The following TEC variants were observed in gnomAD, a reference collection of about 807,000 sequenced individuals.
TEC encodes tyrosine-protein kinase Tec.
TEC carries 72 observed loss-of-function variants against 93.0 expected under a neutral mutation model. The ratio of observed to expected loss-of-function variants is 0.77; its 90% CI spans 0.64 to 0.94. TEC has a LOEUF of 0.94. Among genes scored for constraint, TEC ranks in the 40% least tolerant of loss-of-function variants. The pLI, the probability that TEC is intolerant of heterozygous loss-of-function variation, is 0.00. For missense variants in TEC, 630 were observed against 757.9 expected (o/e 0.83, Z 1.98); for synonymous variants, 249 against 247.7 (o/e 1.01, Z -0.05).
At chr4:48,268,852 A>T (rs1423788461) in intron 1 of TEC, among the ~76,000 whole-genome samples, 1 of 152,238 alleles carries the variant, frequency 6.6e-6, no homozygotes, top group East Asian at 1.9e-4. Context: ...ATTAAGATCA[A>T]TCTTTCGAAT....
chr4:48,221,873 C>T (rs73138491), intron 2 of TEC, among the ~76,000 whole-genome samples: 2,066 of 152,208 alleles, frequency 0.014, 53 homozygotes, highest in African/African-American at 0.048. Context: ...AACATAGCTA[C>T]GGCTGAAAGG....
At position 48,138,713 on chromosome 4, in the gene TEC, C is replaced by A. The variant is rs1306776603; in HGVS notation, c.1764G>T (p.Lys588Asn). Residue 588 changes from lysine (K) to asparagine (N), a missense_variant, in exon 17 of 18, where the codon AAG (lysine) becomes AAT (asparagine). By Grantham distance (94) the Lys-to-Asn change is moderately conservative (BLOSUM62 0). Transcript: ENST00000381501. ...CCTCATACACATAGTTGGACGCCAA[C>A]TTCGGCTGGTAGAGTCGGTGGCCTC... Reference protein sequence around the residue: ...VTRGHRLYQPKLASNYVYEVM... With the variant: ...VTRGHRLYQPNLASNYVYEVM... 3.7e-6 allele frequency: 6 copies of A among 1,614,168 alleles called. No homozygotes were observed. Among genetic ancestry groups the A allele is most frequent in the Non-Finnish European group, 5.1e-6 (6 of 1,180,006 alleles).
chr4:48,240,426 T>C (rs1723895760), intron 1 of TEC, among the ~76,000 whole-genome samples: 1 of 152,066 alleles, frequency 6.6e-6, no homozygotes, highest in Admixed American at 6.6e-5. Flanking sequence ...AGGACCATTA[T>C]TACTGCCCTA....
chr4:48,239,981 A>AGT (rs5858109), intron 1 of TEC, among the ~76,000 whole-genome samples: 3,080 of 149,550 alleles, frequency 0.021, 47 homozygotes, highest in African/African-American at 0.045. Context: ...TTGCTCTGTG[A>AGT]GTGTGTGTGT....
chr4:48,163,656 GAA>G (rs1720763435), intron 8 of TEC, 44 bp downstream of exon 8: 1 of 1,218,458 alleles, frequency 8.2e-7, no homozygotes, highest in Admixed American at 2.6e-5. Flanking sequence ...TTAGGAAAAT[GAA>G]AAGTTTCTGA....
chr4:48,255,931 GTCA>G (rs1316559606), intron 1 of TEC, among the ~76,000 whole-genome samples: 1 of 152,172 alleles, frequency 6.6e-6, no homozygotes, highest in Non-Finnish European at 1.5e-5. Context: ...TCAGCCCTGG[GTCA>G]TGTATCATTA....
intron 2 of TEC, among the ~76,000 whole-genome samples, chr4:48,192,423 T>A (rs1351050528): frequency 6.6e-6 from 1 of 152,180 alleles, no homozygotes; most frequent in Non-Finnish European, 1.5e-5. Context: ...AGTGTTTCAG[T>A]TGTTGTAGTG....
chr4:48,226,825 A>G (rs1488398107), intron 2 of TEC, among the ~76,000 whole-genome samples: 1 of 152,224 alleles, frequency 6.6e-6, no homozygotes, highest in Admixed American at 6.5e-5. Context: ...AATTATTACC[A>G]TACAGCAAAA....
At chr4:48,167,581 A>C (rs1169105475) in intron 7 of TEC, among the ~76,000 whole-genome samples, 197 bp downstream of exon 7, 1 of 152,206 alleles carries the variant, frequency 6.6e-6, no homozygotes, top group Non-Finnish European at 1.5e-5. Flanking sequence ...ACTTTTGAAA[A>C]GAAGTGATTG....
rs1490545987 is a variant in TEC at position 48,149,640 on chromosome 4, G to C, written c.923C>G (p.Ser308Cys). 1 of 1,612,294 alleles carries C rather than the reference G, an allele frequency of 6.2e-7. No individual in the cohort carries two copies. The highest frequency in any genetic ancestry group is 1.3e-5 in the African/African-American group (1 of 74,822). Residue 308 changes from serine to cysteine, a missense_variant, in exon 11 of 18, where the codon TCT becomes TGT. This residue lies in a region of TEC where 335 missense variants were observed against 351.5 expected (regional missense o/e 0.95). Transcript: ENST00000381501. The part of the protein sequence containing the change: ...RHYHIKETTT[S>C]PKKYYLAEKH... ...TTCAGCTAGGTAATACTTCTTTGGA[G>C]ATGTTGTTGTTTCCTTTATATGATA...
chr4:48,236,279 C>CT (rs59024899), intron 1 of TEC, among the ~76,000 whole-genome samples: 2,608 of 148,860 alleles, frequency 0.018, 71 homozygotes, highest in African/African-American at 0.057. Context: ...TTACAAACAG[C>CT]TTTTTTTTTT....
At chr4:48,250,040 T>C (rs915491686) in intron 1 of TEC, among the ~76,000 whole-genome samples, 9 of 152,192 alleles carry the variant, frequency 5.9e-5, no homozygotes, top group African/African-American at 2.2e-4. Context: ...ATCTACATCT[T>C]TAGCTTTGAC....
At chr4:48,204,918 T>G (rs1722653920) in intron 2 of TEC, among the ~76,000 whole-genome samples, 1 of 152,122 alleles carries the variant, frequency 6.6e-6, no homozygotes, top group African/African-American at 2.4e-5. Context: ...GGACCCCTGC[T>G]GTAAGTCCTG....
In TEC at chr4:48,145,263, T is replaced by C; in HGVS notation, c.1286A>G (p.Tyr429Cys). The change falls in exon 14 of 18, where the codon TAT becomes TGT. Residue 429 changes from tyrosine to cysteine, a missense_variant. Coordinates refer to ENST00000381501, the MANE Select transcript of TEC (RefSeq NM_003215.3). Reference sequence around the variant, plus strand: ...TGGTTTCTGCTGGGTGCACACACCATAAAGCTGCACTAACTTCGGGTGTGT... The same window carrying C: ...TGGTTTCTGCTGGGTGCACACACCACAAAGCTGCACTAACTTCGGGTGTGT... ...KLTHPKLVQLYGVCTQQKPIY... is the reference protein window; with the variant it reads ...KLTHPKLVQLCGVCTQQKPIY... 6.2e-7 allele frequency: 1 copy of C among 1,614,144 alleles called. No individual in the cohort carries two copies. Among genetic ancestry groups the C allele is most frequent in the Non-Finnish European group, 8.5e-7 (1 of 1,180,010 alleles).
chr4:48,177,238 A>G (rs1721368109), intron 2 of TEC, among the ~76,000 whole-genome samples: 1 of 152,234 alleles, frequency 6.6e-6, no homozygotes. Flanking sequence ...ATTATTACAA[A>G]CACAATGTAG....
chr4:48,163,707 T>C lies in TEC; in HGVS notation c.732A>G (p.Gln244=), dbSNP rs142459783. The change falls in exon 8 of 18, where the codon CAA becomes CAG. Residue 244 remains glutamine (Q), a synonymous_variant. Coordinates refer to ENST00000381501, the MANE Select transcript of TEC (RefSeq NM_003215.3). ...VTGKKSNNLD[Q]YEWYCRNMNR... ...CAAAATAAACATTTACTTACTCATATTGATCTAAGTTGTTTGATTTCTTTC... is the reference window on the plus strand; with the variant it reads ...CAAAATAAACATTTACTTACTCATACTGATCTAAGTTGTTTGATTTCTTTC... 1.6e-3 allele frequency: 2,416 copies of C among 1,472,222 alleles called. 17 individuals carry two copies. The African/African-American group carries it at 0.019, about 12-fold the overall frequency. The allele number at this position is 1,472,222 out of a possible 1,614,324, so 91.2% of individuals were successfully genotyped here. A position where few individuals can be genotyped will look rare whatever the true frequency, so the allele number is the denominator to read the frequency against.
intron 2 of TEC, among the ~76,000 whole-genome samples, chr4:48,176,882 A>G (rs1422948729): frequency 1.3e-5 from 2 of 152,172 alleles, no homozygotes; most frequent in East Asian, 3.8e-4. Flanking sequence ...TCAATCACAC[A>G]TGCAACTTCC....
Position 48,137,272 on chromosome 4 carries a change from G to T in TEC, c.*144C>A. The T allele has an allele frequency of 1.6e-6, 1 of 632,042 alleles. No individual in the cohort carries two copies. The highest frequency in any genetic ancestry group is 2.8e-6 in the Non-Finnish European group (1 of 362,084). 39.2% of individuals were successfully genotyped at this position (632,042 alleles called of 1,614,324 possible). On this transcript the variant is annotated 3_prime_UTR_variant, in exon 18 of 18. Coordinates refer to ENST00000381501, the MANE Select transcript of TEC (RefSeq NM_003215.3). Reference sequence around the variant, plus strand: ...CTGTCTAGAAGCAAGTCTAGACAGAGGCTGGTCTAGAAGCAAATTATTTAT... The same window carrying T: ...CTGTCTAGAAGCAAGTCTAGACAGATGCTGGTCTAGAAGCAAATTATTTAT...
At chr4:48,186,386 G>C (rs1013155746) in intron 2 of TEC, among the ~76,000 whole-genome samples, 2 of 151,220 alleles carry the variant, frequency 1.3e-5, no homozygotes, top group African/African-American at 4.9e-5. Flanking sequence ...GCCTCTTCCC[G>C]GCCGCCATCC....
Sources: gnomAD v4.1 joint callset for allele counts (sites outside exome capture counted in the v4.1 genomes callset) on GRCh38, gnomAD v4.1.1 for gene constraint, gnomAD v4.1.1 regional missense constraint, MANE v1.5 for transcripts, NCBI Gene and HGNC (gene_info 2026-07-23, HGNC 2026-07-21) for gene names.